Variants in KCNMA1 observed in about 807,000 individuals in gnomAD.
The protein encoded by KCNMA1 is potassium calcium-activated channel subfamily M alpha 1, also known as Calcium-activated potassium channel subunit alpha-1.
KCNMA1 carries 29 observed loss-of-function variants against 140.0 expected under a neutral mutation model. The observed-to-expected ratio is 0.21, with a 90% CI of 0.15 to 0.28. The LOEUF is 0.28. Among genes scored for constraint, KCNMA1 ranks in the 10% least tolerant of loss-of-function variants. The pLI, the probability that KCNMA1 is intolerant of heterozygous loss-of-function variation, is 1.00. For synonymous variants in KCNMA1, 612 were observed against 611.9 expected (o/e 1.00, Z 0.00); for missense variants, 880 against 1,602.2 (o/e 0.55, Z 7.70).
chr10:77,504,341 A>G (rs1440425421), intron 1 of KCNMA1, among the ~76,000 whole-genome samples: 4 of 152,132 alleles, frequency 2.6e-5, no homozygotes, highest in Non-Finnish European at 5.9e-5. Flanking sequence ...CTGCTCTTCA[A>G]GTGTAACCTT....
intron 1 of KCNMA1, among the ~76,000 whole-genome samples, chr10:77,512,662 C>T (rs1364229588): frequency 6.6e-6 from 1 of 152,112 alleles, no homozygotes; most frequent in Non-Finnish European, 1.5e-5. Context: ...AGGGTGGGCC[C>T]TCATCCAATA....
chr10:77,476,420 T>C (rs1009143693), intron 1 of KCNMA1, among the ~76,000 whole-genome samples: 4 of 152,080 alleles, frequency 2.6e-5, no homozygotes, highest in African/African-American at 9.7e-5. Context: ...CCTGCTGCTC[T>C]GCCCTTTGCA....
intron 3 of KCNMA1, among the ~76,000 whole-genome samples, chr10:77,235,064 T>A (rs10824498): frequency 6.6e-6 from 1 of 152,178 alleles, no homozygotes; most frequent in Non-Finnish European, 1.5e-5. Context: ...TACGAGAAGA[T>A]GAATTTTGGA....
At chr10:77,487,257 A>G (rs1319743918) in intron 1 of KCNMA1, among the ~76,000 whole-genome samples, 1 of 151,224 alleles carries the variant, frequency 6.6e-6, no homozygotes, top group African/African-American at 2.4e-5. Flanking sequence ...TAGGTAATAC[A>G]TTTTTTTTTG....
At chr10:77,393,252 T>C (rs535442073) in intron 2 of KCNMA1, among the ~76,000 whole-genome samples, 2 of 148,770 alleles carry the variant, frequency 1.3e-5, no homozygotes, top group East Asian at 4.0e-4. Context: ...TTGGAAGATG[T>C]CTGGGTTTGG....
rs573564522 is a variant in KCNMA1, at chr10:77,027,250, A to G, written c.1928+573T>C. On this transcript the variant is annotated intron_variant, in intron 16 of 27. Transcript: ENST00000286628. ...TCCCTCATCAGTCTGATTTGCACAT[A>G]ATTAAGTGTAAAATAAATAAATAAA... 1.0e-3 allele frequency among the ~76,000 whole-genome samples: 159 copies of G among 152,258 alleles called. 5 individuals carry two copies. The South Asian group carries it at 0.032, about 31-fold the overall frequency.
intron 2 of KCNMA1, among the ~76,000 whole-genome samples, chr10:77,264,172 A>G (rs1472620985): frequency 6.6e-6 from 1 of 152,118 alleles, no homozygotes; most frequent in African/African-American, 2.4e-5. Flanking sequence ...ACAGCCCCTG[A>G]TTCCACCTTG....
intron 1 of KCNMA1, among the ~76,000 whole-genome samples, chr10:77,534,083 G>A (rs887037328): frequency 3.3e-5 from 5 of 152,084 alleles, no homozygotes; most frequent in African/African-American, 1.2e-4. Context: ...TCCCCCTCAG[G>A]GCGTTACCAG....
At chr10:77,563,720 C>T (rs2067169783) in intron 1 of KCNMA1, among the ~76,000 whole-genome samples, 2 of 152,324 alleles carry the variant, frequency 1.3e-5, no homozygotes, top group South Asian at 4.1e-4. Context: ...ACAGATCCCC[C>T]TCTTGCCCTC....
chr10:77,073,296 T>C (rs1410562121), intron 13 of KCNMA1, 44 bp from the exon 14 acceptor site: 1 of 1,594,280 alleles, frequency 6.3e-7, no homozygotes, highest in Non-Finnish European at 8.6e-7. Flanking sequence ...CTGTTAAATG[T>C]TCAATTGTTT....
At chr10:77,350,237 G>A (rs1312935459) in intron 2 of KCNMA1, 1 of 152,160 alleles carries the variant, frequency 6.6e-6, no homozygotes, top group Admixed American at 6.5e-5. Flanking sequence ...TGATGCATAG[G>A]GCACACCACA....
At chr10:77,326,075 G>A (rs1246918736) in intron 2 of KCNMA1, among the ~76,000 whole-genome samples, 7 of 152,174 alleles carry the variant, frequency 4.6e-5, no homozygotes, top group Non-Finnish European at 1.0e-4. Context: ...CATGGGGTAT[G>A]GAACAGGAAA....
At position 77,019,076 on chromosome 10, in the gene KCNMA1, T is replaced by G. The variant is rs200013065; in HGVS notation, c.1952A>C (p.His651Pro). 6.3e-7 allele frequency: 1 copy of G among 1,582,492 alleles called. No homozygotes were observed. The highest frequency in any genetic ancestry group is 8.7e-7 in the Non-Finnish European group (1 of 1,151,544). ...TAAAGTACCTTCTTGGATCTTAAGA[T>G]GGTTTCCAGGATTAATTAATATACT... ...ESRILINPGNHLKIQEGTLGF... is the reference protein window; with the variant it reads ...ESRILINPGNPLKIQEGTLGF... The change falls in exon 17 of 28, where the codon CAT becomes CCT. Residue 651 changes from histidine (H) to proline (P), a missense_variant. Coordinates refer to ENST00000286628, the MANE Select transcript of KCNMA1 (RefSeq NM_001161352.2).
At chr10:76,910,883 C>T (rs2152380403) in intron 24 of KCNMA1, 1 of 152,988 alleles carries the variant, frequency 6.5e-6, no homozygotes, top group East Asian at 1.9e-4. Context: ...CTCAAGGACT[C>T]CTCCCGCATG....
At chr10:76,988,408 G>C (rs1040896280) in intron 19 of KCNMA1, among the ~76,000 whole-genome samples, 2 of 152,120 alleles carry the variant, frequency 1.3e-5, no homozygotes, top group African/African-American at 4.8e-5. Context: ...CACGCCTGTA[G>C]TCTTGGCTAC....
rs193166416 is a variant in KCNMA1, at chr10:77,577,480, T to G, written c.378+59785A>C. 2.0e-5 allele frequency among the ~76,000 whole-genome samples: 3 copies of G among 152,268 alleles called. No homozygotes were observed. In the South Asian group the frequency reaches 6.2e-4, roughly 32 times the overall value. On this transcript the variant is annotated intron_variant, in intron 1 of 27. Coordinates refer to ENST00000286628, the MANE Select transcript of KCNMA1 (RefSeq NM_001161352.2). ...CCTCCTTCCAAGATCCAGGTTTCTA[T>G]GCAAGATGGTCCCGTCCTCAGGCCA...
intron 18 of KCNMA1, among the ~76,000 whole-genome samples, chr10:77,008,592 G>A (rs1242223573): frequency 6.6e-5 from 10 of 152,276 alleles, no homozygotes; most frequent in African/African-American, 7.2e-5. Flanking sequence ...ATGAGATGAC[G>A]TGAAATGTTG....
In KCNMA1 at chr10:77,423,805, G is replaced by A. The variant is rs568214334; in HGVS notation, c.379-19782C>T. Among the ~76,000 whole-genome samples, 138 of 152,276 alleles carry A rather than the reference G, an allele frequency of 9.1e-4. 1 individual carries two copies. In the South Asian group the frequency reaches 0.027, roughly 30 times the overall value. ...TTAGGATGCTCACCCCAAGGCCCTT[G>A]AAAAATGAGAGAGGGGTCTGATTCT... is the stretch of plus-strand genomic sequence containing the variant. On this transcript the variant is annotated intron_variant, in intron 1 of 27. Coordinates refer to ENST00000286628, the MANE Select transcript of KCNMA1 (RefSeq NM_001161352.2).
intron 1 of KCNMA1, among the ~76,000 whole-genome samples, chr10:77,553,149 T>C (rs960034302): frequency 1.3e-5 from 2 of 152,262 alleles, no homozygotes; most frequent in Admixed American, 6.5e-5. Context: ...ATTAACATTT[T>C]AGTGATGAAA....
Sources: allele counts gnomAD v4.1 joint callset (sites outside exome capture counted in the v4.1 genomes callset), GRCh38; gene constraint gnomAD v4.1.1; transcripts MANE v1.5; gene names NCBI Gene and HGNC (gene_info 2026-07-23, HGNC 2026-07-21).